Variants in VWF observed in about 807,000 individuals in gnomAD.
VWF encodes von Willebrand factor.
Under a neutral mutation model 308.6 loss-of-function variants are expected in VWF, and 176 were observed. The ratio of observed to expected loss-of-function variants is 0.57; its 90% confidence interval spans 0.50 to 0.65. VWF has a LOEUF of 0.65. Ranked by LOEUF, VWF falls within the 30% of genes least tolerant of loss-of-function variation. The probability of loss-of-function intolerance (pLI) is 0.00; values close to 1 mark genes in which losing one functional copy is unlikely to be tolerated. For synonymous variants in VWF, 1,385 were observed against 1,443.4 expected, an observed-to-expected ratio of 0.96 and a Z score of 0.92; for missense variants, 3,146 against 3,648.2, an observed-to-expected ratio of 0.86 and a Z score of 3.55.
chr12:6,055,144 CCT>C (rs992325580), intron 15 of VWF, among the ~76,000 whole-genome samples: 1 of 152,164 alleles, frequency 6.6e-6, no homozygotes, highest in African/African-American at 2.4e-5. Context: ...GCCCATTTCC[CCT>C]GTTCTGTTCA....
Position 6,095,507 on chromosome 12 carries a change from A to T in VWF, c.610T>A (p.Ser204Thr). ...SSGEQWCERA[S>T]PPSSSCNISS... Reference sequence around the variant, plus strand: ...ATGTTGCATGAGCTGCTGGGAGGAGATGCCCGTTCACACCACTGTTCTCCA... The same window carrying T: ...ATGTTGCATGAGCTGCTGGGAGGAGTTGCCCGTTCACACCACTGTTCTCCA... Residue 204 changes from serine to threonine, a missense_variant, in exon 6 of 52, where the codon TCT becomes ACT. Transcript: ENST00000261405. 1.2e-6 allele frequency: 2 copies of T among 1,614,048 alleles called. No individual in the cohort carries two copies. Among genetic ancestry groups the T allele is most frequent in the South Asian group, 1.1e-5 (1 of 91,076 alleles).
chr12:6,061,254 T>C (rs1944651305), intron 13 of VWF, among the ~76,000 whole-genome samples: 1 of 151,896 alleles, frequency 6.6e-6, no homozygotes, highest in Admixed American at 6.6e-5. Flanking sequence ...AGCACCCCCT[T>C]GAAGACCGGG....
chr12:5,953,686 T>C (rs2136340506), intron 47 of VWF, 92 bp from the exon 48 acceptor site: 1 of 1,057,974 alleles, frequency 9.5e-7, no homozygotes, highest in Admixed American at 1.7e-5. Flanking sequence ...CTCATCTCTC[T>C]CATCCAGTAG....
At chr12:6,088,573 C>T (rs1218945111) in intron 6 of VWF, among the ~76,000 whole-genome samples, 1 of 152,078 alleles carries the variant, frequency 6.6e-6, no homozygotes, top group Non-Finnish European at 1.5e-5. Context: ...CAAGCCCAGC[C>T]CCCCGGAGCC....
intron 6 of VWF, among the ~76,000 whole-genome samples, chr12:6,090,450 G>A (rs531641431): frequency 1.2e-4 from 18 of 152,268 alleles, no homozygotes; most frequent in Admixed American, 2.6e-4. Context: ...TTATAGTTGC[G>A]AGGGGGAAGG....
At chr12:6,081,144 CCT>C (rs1944905632) in intron 6 of VWF, among the ~76,000 whole-genome samples, 1 of 152,208 alleles carries the variant, frequency 6.6e-6, no homozygotes, top group African/African-American at 2.4e-5. Flanking sequence ...CCACAGCTGA[CCT>C]CTCTCCTAGC....
chr12:6,013,591 C>T lies in VWF; in HGVS notation c.5510G>A (p.Arg1837Gln), dbSNP rs545304154. ...GTCGCCTGCTGGGCCTGCCAAGATCCGTAGCTGGGCTGCATCGTAGCGATC... is the reference window on the plus strand; with the variant it reads ...GTCGCCTGCTGGGCCTGCCAAGATCTGTAGCTGGGCTGCATCGTAGCGATC... ...IGDRYDAAQL[R>Q]ILAGPAGDSN... is the part of the protein sequence containing the mutation. The change falls in exon 32 of 52, where the codon CGG (arginine) becomes CAG (glutamine). Residue 1837 changes from arginine to glutamine, a missense_variant. Physicochemically the swap from Arg to Gln is conservative, Grantham distance 43 (BLOSUM62 1). Transcript: ENST00000261405. 2.2e-5 allele frequency: 35 copies of T among 1,613,766 alleles called. No individual in the cohort carries two copies. Among genetic ancestry groups the T allele is most frequent in the Admixed American group, 1.2e-4 (7 of 59,998 alleles).
At chr12:6,088,063 A>T (rs1238161630) in intron 6 of VWF, among the ~76,000 whole-genome samples, 3 of 152,214 alleles carry the variant, frequency 2.0e-5, no homozygotes, top group African/African-American at 7.2e-5. Context: ...CAGTGGCAAC[A>T]CACCAAGTGA....
At chr12:6,059,689 C>T (rs1189414973) in intron 13 of VWF, among the ~76,000 whole-genome samples, 3 of 152,130 alleles carry the variant, frequency 2.0e-5, no homozygotes, top group Admixed American at 6.5e-5. Context: ...AAGGCCCCAC[C>T]TCGTAACACC....
At chr12:6,083,952 G>A (rs1034495961) in intron 6 of VWF, among the ~76,000 whole-genome samples, 1 of 152,220 alleles carries the variant, frequency 6.6e-6, no homozygotes, top group African/African-American at 2.4e-5. Context: ...GCACAAGGTA[G>A]AAGCCCCCAC....
In VWF at chr12:5,952,420, AG is replaced by A; in HGVS notation, c.8085del (p.Phe2696LeufsTer14). 1 of 1,614,122 alleles carries A rather than the reference AG, an allele frequency of 6.2e-7. No homozygotes were observed. Among genetic ancestry groups the A allele is most frequent in the Non-Finnish European group, 8.5e-7 (1 of 1,179,966 alleles). ...TCAGCCAGACACTTGTGTTCATCAA[AG>A]GGTGGGCAGCCTGTGACCCTCTTCT... ...FWEKRVTGCP[P>X]FDEHKCLAEG... On this transcript the variant is annotated frameshift_variant, in exon 49 of 52. Transcript: ENST00000261405. LOFTEE classifies it high-confidence loss of function.
intron 15 of VWF, among the ~76,000 whole-genome samples, chr12:6,056,230 G>A (rs144943783): frequency 2.2e-4 from 32 of 148,242 alleles, no homozygotes; most frequent in African/African-American, 7.8e-4. Context: ...ACTGTTGCCC[G>A]ACCACACTGG....
chr12:6,022,101 A>C (rs1363383731), intron 26 of VWF, 66 bp from the exon 27 acceptor site: 2 of 1,611,064 alleles, frequency 1.2e-6, no homozygotes, highest in African/African-American at 1.3e-5. Flanking sequence ...CCTCATTTTT[A>C]ACTAAAAGGG....
chr12:5,988,106 G>GC (rs936863305), intron 38 of VWF, among the ~76,000 whole-genome samples: 4 of 152,222 alleles, frequency 2.6e-5, no homozygotes, highest in Non-Finnish European at 5.9e-5. Context: ...TGAAGCACAG[G>GC]AAGACTTGGG....
chr12:6,095,274 T>G, intron 6 of VWF, 186 bp downstream of exon 6: 1 of 869,206 alleles, frequency 1.2e-6, no homozygotes. Context: ...TAGCCCAGAC[T>G]CATTTTTAGA....
At chr12:5,958,494 C>T (rs758622913) in intron 47 of VWF, among the ~76,000 whole-genome samples, 8 of 152,112 alleles carry the variant, frequency 5.3e-5, no homozygotes, top group Non-Finnish European at 1.0e-4. Flanking sequence ...TTGTGACCAG[C>T]CTGTGAAACA....
intron 47 of VWF, among the ~76,000 whole-genome samples, chr12:5,965,107 A>G (rs1376255420): frequency 6.6e-6 from 1 of 152,206 alleles, no homozygotes; most frequent in Non-Finnish European, 1.5e-5. Flanking sequence ...AGGGGAGGGC[A>G]GAGCTGCCCT....
At chr12:5,982,237 C>T (rs547448669) in intron 41 of VWF, among the ~76,000 whole-genome samples, 4 of 152,180 alleles carry the variant, frequency 2.6e-5, no homozygotes, top group South Asian at 2.1e-4. Flanking sequence ...GTGAAGGCTG[C>T]TCAATCCCTG....
At position 5,976,189 on chromosome 12, in the gene VWF, G is replaced by T. The variant is rs775194189; in HGVS notation, c.7359C>A (p.Cys2453Ter). ...FWEEGCDVCT[C>*]TDMEDAVMGL... ...CCATCACGGCATCCTCCATGTCGGT[G>T]CAGGTGCACACATCGCAGCCCTCCT... The change falls in exon 43 of 52, where the codon TGC becomes TGA. Residue 2453 changes from cysteine (C) to a stop codon, truncating the protein, a stop_gained. Transcript: ENST00000261405. LOFTEE classifies it high-confidence loss of function. 2 of 1,614,154 alleles carry T rather than the reference G, an allele frequency of 1.2e-6. No individual in the cohort carries two copies. The highest frequency in any genetic ancestry group is 2.2e-5 in the South Asian group (2 of 91,078).
Sources: allele counts gnomAD v4.1 joint callset (sites outside exome capture counted in the v4.1 genomes callset), GRCh38; gene constraint gnomAD v4.1.1; transcripts MANE v1.5; gene names NCBI Gene and HGNC (gene_info 2026-07-23, HGNC 2026-07-21).